The following PEX14 variants were observed in gnomAD, a reference collection of about 807,000 sequenced individuals.
PEX14 encodes peroxisomal biogenesis factor 14.
Under a neutral mutation model 49.5 loss-of-function variants are expected in PEX14, and 15 were observed. That is an observed-to-expected ratio of 0.30 (90% CI 0.20 to 0.47). The LOEUF is 0.47. PEX14 is among the 20% of genes least tolerant of loss of function. The probability of loss-of-function intolerance (pLI) is 1.00; values close to 1 mark genes in which losing one functional copy is unlikely to be tolerated. For missense variants in PEX14, 398 were observed against 494.8 expected (o/e 0.80, Z 1.86); for synonymous variants, 210 against 212.7 (o/e 0.99, Z 0.11).
At chr1:10,622,076 A>C (rs890944076) in intron 5 of PEX14, among the ~76,000 whole-genome samples, 2 of 151,988 alleles carry the variant, frequency 1.3e-5, no homozygotes, top group African/African-American at 4.8e-5. Flanking sequence ...GTCAGTGCAC[A>C]TGTTCCTACA....
At chr1:10,540,379 T>A (rs1013254059) in intron 3 of PEX14, among the ~76,000 whole-genome samples, 2 of 152,236 alleles carry the variant, frequency 1.3e-5, no homozygotes, top group Non-Finnish European at 2.9e-5. Context: ...TTGAATGGAA[T>A]CTCGTTACCA....
At chr1:10,563,829 G>T (rs1012874723) in intron 3 of PEX14, among the ~76,000 whole-genome samples, 1 of 150,592 alleles carries the variant, frequency 6.6e-6, no homozygotes, top group Admixed American at 6.6e-5. Flanking sequence ...GGAGAATGGC[G>T]TGAACCCAGG....
chr1:10,611,918 T>C (rs1012045479), intron 4 of PEX14, among the ~76,000 whole-genome samples: 1 of 152,226 alleles, frequency 6.6e-6, no homozygotes, highest in African/African-American at 2.4e-5. Flanking sequence ...TGGCAGATAT[T>C]TTCTCCCAGC....
chr1:10,616,095 C>G (rs1245077580), intron 4 of PEX14, among the ~76,000 whole-genome samples: 4 of 152,128 alleles, frequency 2.6e-5, no homozygotes, highest in Admixed American at 2.6e-4. Flanking sequence ...AATCCGCAGG[C>G]AGGGAGGGAG....
Position 10,613,329 on chromosome 1 carries a change from C to A in PEX14, c.299-5003C>A, listed in dbSNP as rs1375866554. 6.6e-6 allele frequency among the ~76,000 whole-genome samples: 1 copy of A among 152,184 alleles called. No individual in the cohort carries two copies. The highest frequency in any genetic ancestry group is 1.5e-5 in the Non-Finnish European group (1 of 68,038). On this transcript the variant is annotated intron_variant, in intron 4 of 8. Transcript: ENST00000356607. This position sits in a 1 kb window ranked among gnomAD's most constrained non-coding sequence, Gnocchi z 5.0. The stretch of plus-strand genomic sequence containing the variant: ...GAGCTGTGGGGATGCACCTCTCCTG[C>A]CCCCGCTCTACCATGGTTTTACCCA...
intron 2 of PEX14, among the ~76,000 whole-genome samples, chr1:10,525,419 C>T (rs1638443847): frequency 6.6e-6 from 1 of 152,048 alleles, no homozygotes; most frequent in Non-Finnish European, 1.5e-5. Flanking sequence ...CTTGTGAAGT[C>T]GTCTACAAGG....
chr1:10,505,097 A>G (rs1263607206), intron 2 of PEX14, among the ~76,000 whole-genome samples: 1 of 152,178 alleles, frequency 6.6e-6, no homozygotes. Flanking sequence ...GCCAATGATT[A>G]TTTCTATAAA....
At chr1:10,555,806 C>T (rs142763103) in intron 3 of PEX14, among the ~76,000 whole-genome samples, 205 of 152,252 alleles carry the variant, frequency 1.3e-3, no homozygotes, top group Middle Eastern at 6.8e-3. Flanking sequence ...CAGAAGAGTC[C>T]GGGCCTCACC....
Position 10,629,316 on chromosome 1 carries a change from C to T in PEX14, c.678-215C>T, listed in dbSNP as rs968877471. Among the ~76,000 whole-genome samples, 9 of 152,288 alleles carry T rather than the reference C, an allele frequency of 5.9e-5. No homozygotes were observed. Among genetic ancestry groups the T allele is most frequent in the African/African-American group, 1.7e-4 (7 of 41,560 alleles). ...GGGGCCCGGGGGGACCCTGGGCTGT[C>T]TGTGGGGGCACAGGACCCGCTTGGC... On this transcript the variant is annotated intron_variant, in intron 8 of 8. Transcript: ENST00000356607. The surrounding 1 kb of genome is among the most constrained non-coding windows in gnomAD (Gnocchi z 8.5).
At chr1:10,543,430 G>A (rs193100169) in intron 3 of PEX14, among the ~76,000 whole-genome samples, 24 of 152,188 alleles carry the variant, frequency 1.6e-4, no homozygotes, top group African/African-American at 5.5e-4. Context: ...CACCACTCCC[G>A]GCCTGCTCAG....
At chr1:10,572,762 T>C (rs1480227340) in intron 3 of PEX14, among the ~76,000 whole-genome samples, 1 of 152,132 alleles carries the variant, frequency 6.6e-6, no homozygotes, top group Admixed American at 6.5e-5. Context: ...GGTCTCGATC[T>C]CCTGACCTCG....
At chr1:10,479,210 C>T (rs1641244160) in intron 1 of PEX14, among the ~76,000 whole-genome samples, 1 of 151,920 alleles carries the variant, frequency 6.6e-6, no homozygotes, top group South Asian at 2.1e-4. Flanking sequence ...GACCTCGTTC[C>T]TACTGAAAAT....
intron 3 of PEX14, among the ~76,000 whole-genome samples, chr1:10,578,119 G>T (rs527707699): frequency 3.9e-5 from 6 of 152,096 alleles, no homozygotes; most frequent in Non-Finnish European, 7.3e-5. Flanking sequence ...TCATAGAAAG[G>T]AGAGAACCAT....
chr1:10,606,288 T>C (rs1045091037), intron 4 of PEX14, among the ~76,000 whole-genome samples: 4 of 152,172 alleles, frequency 2.6e-5, no homozygotes, highest in Admixed American at 2.6e-4. Context: ...GCTCCAACTA[T>C]CCCACCTGCT....
In PEX14 at chr1:10,597,410, A is replaced by G. The variant is rs284266; in HGVS notation, c.170-1828A>G. 0.1 allele frequency among the ~76,000 whole-genome samples: 15,225 copies of G among 152,208 alleles called. 1,881 individuals are homozygous for G. The highest frequency in any genetic ancestry group is 0.3 in the African/African-American group (12,248 of 41,466). On this transcript the variant is annotated intron_variant, in intron 3 of 8. Transcript: ENST00000356607. This position sits in a 1 kb window ranked among gnomAD's most constrained non-coding sequence, Gnocchi z 5.7. The stretch of plus-strand genomic sequence containing the variant: ...AGTCGGAGCGATCGGCAGTCACTAC[A>G]CAGGCTGGAACCTGAGAGGCACAAA...
chr1:10,547,058 T>C (rs1639198383), intron 3 of PEX14, among the ~76,000 whole-genome samples: 1 of 152,132 alleles, frequency 6.6e-6, no homozygotes, highest in Non-Finnish European at 1.5e-5. Flanking sequence ...AGGCTGTCAC[T>C]GGAGCTGTGG....
intron 2 of PEX14, among the ~76,000 whole-genome samples, chr1:10,511,503 A>G (rs1641882439): frequency 6.6e-6 from 1 of 152,204 alleles, no homozygotes; most frequent in Non-Finnish European, 1.5e-5. Context: ...ATGACCATGC[A>G]CATCAGAGTT....
intron 4 of PEX14, among the ~76,000 whole-genome samples, chr1:10,608,543 T>A (rs1641186050): frequency 6.6e-6 from 1 of 151,464 alleles, no homozygotes; most frequent in African/African-American, 2.4e-5. Context: ...GTGCCTGTAA[T>A]CCCAGCTACT....
chr1:10,628,283 C>G lies in PEX14; in HGVS notation c.677+920C>G, dbSNP rs1641810352. The stretch of plus-strand genomic sequence containing the variant: ...TCCAGTGTCCAGGAGCCACTCTGTC[C>G]TGGGAGCCGCAACTGTGGGCCATCC... On this transcript the variant is annotated intron_variant, in intron 8 of 8. Transcript: ENST00000356607. This position sits in a 1 kb window ranked among gnomAD's most constrained non-coding sequence, Gnocchi z 4.5. Among the ~76,000 whole-genome samples, 1 of 152,204 alleles carries G rather than the reference C, an allele frequency of 6.6e-6. No individual in the cohort carries two copies. The highest frequency in any genetic ancestry group is 2.1e-4 in the South Asian group (1 of 4,836).
Sources: allele counts gnomAD v4.1 joint callset (sites outside exome capture counted in the v4.1 genomes callset), GRCh38; gene constraint gnomAD v4.1.1; non-coding constraint Gnocchi (gnomAD v3.1); transcripts MANE v1.5; gene names NCBI Gene and HGNC (gene_info 2026-07-23, HGNC 2026-07-21).